Variants in GLG1 observed in about 807,000 individuals in gnomAD.
The protein encoded by GLG1 is golgi glycoprotein 1, also known as Golgi apparatus protein 1.
In GLG1, 38 loss-of-function variants were observed where a neutral mutation model predicts 160.5. That is an observed-to-expected ratio of 0.24 (90% CI 0.18 to 0.31). The LOEUF is 0.31. Among genes scored for constraint, GLG1 ranks in the 10% least tolerant of loss-of-function variants. The pLI, the probability that GLG1 is intolerant of heterozygous loss-of-function variation, is 1.00. For synonymous variants in GLG1, 644 were observed against 543.4 expected (o/e 1.19, Z -2.57); for missense variants, 1,373 against 1,505.2 (o/e 0.91, Z 1.45).
chr16:74,568,467 G>C (rs1025188129), intron 1 of GLG1, among the ~76,000 whole-genome samples: 1 of 150,052 alleles, frequency 6.7e-6, no homozygotes, highest in African/African-American at 2.5e-5. Flanking sequence ...GCCCAGGCTG[G>C]AGTGCAATGG....
chr16:74,596,350 C>T (rs868424091), intron 1 of GLG1, among the ~76,000 whole-genome samples: 2 of 152,126 alleles, frequency 1.3e-5, no homozygotes, highest in African/African-American at 4.8e-5. Flanking sequence ...CCAACATGGT[C>T]AAACCCCTTC....
chr16:74,580,105 G>C (rs1463816798), intron 1 of GLG1, among the ~76,000 whole-genome samples: 2 of 152,050 alleles, frequency 1.3e-5, no homozygotes, highest in Admixed American at 1.3e-4. Context: ...TTCCAGAAGA[G>C]CTGAATCTCA....
Position 74,493,065 on chromosome 16 carries a change from A to G in GLG1, c.1126T>C (p.Cys376Arg). Residue 376 changes from cysteine to arginine, a missense_variant, in exon 7 of 26, where the codon TGT becomes CGT. By Grantham distance (180) the Cys-to-Arg change is radical (BLOSUM62 -3). Coordinates refer to ENST00000422840, the MANE Select transcript of GLG1 (RefSeq NM_001145667.2). ...YKVSYSLAKS[C>R]KSDLKKYRCN... ...CGGTATTTCTTCAAGTCACTTTTAC[A>G]GGATTTGGCCAATGAATAACTGACT... 6.2e-7 allele frequency: 1 copy of G among 1,613,866 alleles called. No individual in the cohort carries two copies. The highest frequency in any genetic ancestry group is 8.5e-7 in the Non-Finnish European group (1 of 1,179,750).
At position 74,605,569 on chromosome 16, in the gene GLG1, G is replaced by C. The variant is rs374945086; in HGVS notation, c.438+1088C>G. The stretch of plus-strand genomic sequence containing the variant: ...AAGGCCTCACATTTCTAGGGGCTCT[G>C]GAAACTTCCTTTCTTTCTGTCTCCT... On this transcript the variant is annotated intron_variant, in intron 1 of 25. Coordinates refer to ENST00000422840, the MANE Select transcript of GLG1 (RefSeq NM_001145667.2). 7.9e-5 allele frequency among the ~76,000 whole-genome samples: 12 copies of C among 152,208 alleles called. No individual in the cohort carries two copies. In the South Asian group the frequency reaches 2.5e-3, roughly 32 times the overall value.
rs1003529177 is a variant in GLG1 at position 74,450,807 on chromosome 16, C to T, written c.*2360G>A. On this transcript the variant is annotated 3_prime_UTR_variant, in exon 26 of 26. Transcript: ENST00000422840. ...AGGTTGCAGGGAGCTGAGATCGCGCCACTGCACTGCAGCCTGGGCAACAGA... is the reference window on the plus strand; with the variant it reads ...AGGTTGCAGGGAGCTGAGATCGCGCTACTGCACTGCAGCCTGGGCAACAGA... 8 of 149,946 alleles carry T rather than the reference C, an allele frequency of 5.3e-5. No homozygotes were observed. The highest frequency in any genetic ancestry group is 2.7e-4 in the Admixed American group (4 of 14,954). The allele number at this position is 149,946 out of a possible 1,614,324, so 9.3% of individuals were successfully genotyped here. A position where few individuals can be genotyped will look rare whatever the true frequency, so the allele number is the denominator to read the frequency against.
rs2014403276 is a variant in GLG1, at chr16:74,453,394, G to A, written c.3373-60C>T. 15 of 1,090,432 alleles carry A rather than the reference G, an allele frequency of 1.4e-5. No individual in the cohort carries two copies. In the South Asian group the frequency reaches 2.0e-4, roughly 15 times the overall value. The allele number at this position is 1,090,432 out of a possible 1,614,324, so 67.5% of individuals were successfully genotyped here. On this transcript the variant is annotated intron_variant, in intron 25 of 25. Transcript: ENST00000422840. ...GAGCACTGGGCTGGTGGCAGTGCTAGGTCTAACTTATCCCTCTCAGTTCCT... is the reference window on the plus strand; with the variant it reads ...GAGCACTGGGCTGGTGGCAGTGCTAAGTCTAACTTATCCCTCTCAGTTCCT...
chr16:74,505,929 C>G (rs2016583578), intron 3 of GLG1, among the ~76,000 whole-genome samples: 1 of 150,778 alleles, frequency 6.6e-6, no homozygotes, highest in South Asian at 2.1e-4. Flanking sequence ...ACTTGGGAGG[C>G]TGAGGCAGGA....
At chr16:74,544,022 G>C (rs987912932) in intron 1 of GLG1, among the ~76,000 whole-genome samples, 2 of 152,202 alleles carry the variant, frequency 1.3e-5, no homozygotes, top group African/African-American at 2.4e-5. Flanking sequence ...GAAATGGCTT[G>C]GAGAAGTGAA....
At position 74,469,783 on chromosome 16, in the gene GLG1, G is replaced by A. The variant is rs1259176925; in HGVS notation, c.2318+202C>T. The A allele has an allele frequency of 6.9e-6, 4 of 581,444 alleles. No individual in the cohort carries two copies. The East Asian group carries it at 8.6e-5, about 12-fold the overall frequency. 36.0% of individuals were successfully genotyped at this position (581,444 alleles called of 1,614,324 possible). A position where few individuals can be genotyped will look rare whatever the true frequency, so the allele number is the denominator to read the frequency against. The stretch of plus-strand genomic sequence containing the variant: ...TTAAAAATGCTCCTTTAGCCTATGG[G>A]ACCTCCATGTGAGAACTACCATCGC... On this transcript the variant is annotated intron_variant, in intron 16 of 25. Coordinates refer to ENST00000422840, the MANE Select transcript of GLG1 (RefSeq NM_001145667.2).
chr16:74,597,527 T>G (rs1431891508), intron 1 of GLG1, among the ~76,000 whole-genome samples: 2 of 150,814 alleles, frequency 1.3e-5, no homozygotes, highest in Non-Finnish European at 3.0e-5. Context: ...AAGACCAGCA[T>G]AGCCAACATG....
chr16:74,549,604 A>G (rs1393688110), intron 1 of GLG1, among the ~76,000 whole-genome samples: 1 of 152,082 alleles, frequency 6.6e-6, no homozygotes, highest in Non-Finnish European at 1.5e-5. Flanking sequence ...CCATCTTTTT[A>G]TACATAGTGC....
chr16:74,496,985 G>C (rs544821916), intron 4 of GLG1, among the ~76,000 whole-genome samples: 4 of 152,102 alleles, frequency 2.6e-5, no homozygotes, highest in African/African-American at 7.2e-5. Context: ...AAATTCATAA[G>C]AAACACAACA....
chr16:74,479,159 G>C (rs1346061300), intron 11 of GLG1, among the ~76,000 whole-genome samples: 10 of 144,644 alleles, frequency 6.9e-5, no homozygotes, highest in African/African-American at 2.3e-4. Context: ...AGGAGGAAGA[G>C]GTTGCAGTGA....
Position 74,457,979 on chromosome 16 carries a change from G to T in GLG1, c.3160C>A (p.Leu1054Met). The change falls in exon 24 of 26, where the codon CTG (leucine) becomes ATG (methionine). Residue 1054 changes from leucine (L) to methionine (M), a missense_variant. Coordinates refer to ENST00000422840, the MANE Select transcript of GLG1 (RefSeq NM_001145667.2). ...AAGATGTCTGCTTTGCTTTCCTTCA[G>T]CATGTTTAGCACTTCCTGGAAAGGG... ...ELCKKEVLNM[L>M]KESKADIFVD... 1 of 1,613,782 alleles carries T rather than the reference G, an allele frequency of 6.2e-7. No individual in the cohort carries two copies. Among genetic ancestry groups the T allele is most frequent in the Admixed American group, 1.7e-5 (1 of 60,010 alleles).
intron 5 of GLG1, among the ~76,000 whole-genome samples, chr16:74,495,252 T>G (rs1038777442): frequency 3.3e-5 from 5 of 152,074 alleles, no homozygotes; most frequent in African/African-American, 1.2e-4. Flanking sequence ...TAGCTGGGAT[T>G]ACAGGCCCCC....
chr16:74,469,314 G>GC, intron 16 of GLG1: 1 of 543,902 alleles, frequency 1.8e-6, no homozygotes, highest in South Asian at 2.3e-5. Flanking sequence ...CAGGGCACAT[G>GC]TGTGCAACGA....
intron 4 of GLG1, among the ~76,000 whole-genome samples, chr16:74,501,681 T>G (rs1200068043): frequency 6.6e-6 from 1 of 152,200 alleles, no homozygotes; most frequent in Non-Finnish European, 1.5e-5. Flanking sequence ...AAGCCTCATT[T>G]CTGATTCCTG....
rs201693911 is a variant in GLG1 at position 74,529,809 on chromosome 16, G to GTTTTTTTTTTTTTTTTTTTTTT, written c.471+2311_471+2312insAAAAAAAAAAAAAAAAAAAAAA. 2.1e-4 allele frequency among the ~76,000 whole-genome samples: 22 copies of GTTTTTTTTTTTTTTTTTTTTTT among 104,104 alleles called. 8 individuals are homozygous for GTTTTTTTTTTTTTTTTTTTTTT. Among genetic ancestry groups the GTTTTTTTTTTTTTTTTTTTTTT allele is most frequent in the Non-Finnish European group, 2.0e-4 (11 of 55,544 alleles). 68.3% of individuals were successfully genotyped at this position (104,104 alleles called of 152,430 possible). On this transcript the variant is annotated intron_variant, in intron 2 of 25. Transcript: ENST00000422840. ...CTTCCTATTCCTTGGCTCTTTGAGAGTTCTTTTTTTTTTTTTTTTTTTTTT... is the reference window on the plus strand; with the variant it reads ...CTTCCTATTCCTTGGCTCTTTGAGAGTTTTTTTTTTTTTTTTTTTTTTTTCTTTTTTTTTTTTTTTTTTTTTT...
At chr16:74,469,912 A>C in intron 16 of GLG1, 73 bp downstream of exon 16, 1 of 962,560 alleles carries the variant, frequency 1.0e-6, no homozygotes, top group Admixed American at 1.7e-5. Flanking sequence ...GGGCTGCCTA[A>C]CATCTCGCAT....
Sources: gnomAD v4.1 joint callset for allele counts (sites outside exome capture counted in the v4.1 genomes callset) on GRCh38, gnomAD v4.1.1 for gene constraint, MANE v1.5 for transcripts, NCBI Gene and HGNC (gene_info 2026-07-23, HGNC 2026-07-21) for gene names.